SUMF1: variants seen among roughly 807,000 people sequenced by gnomAD.
SUMF1 encodes sulfatase modifying factor 1, also known as formylglycine-generating enzyme.
SUMF1 carries 48 observed loss-of-function variants against 47.6 expected under a neutral mutation model. The ratio of observed to expected loss-of-function variants is 1.01; its 90% CI spans 0.80 to 1.28. The LOEUF is 1.28. Ranked by LOEUF, SUMF1 falls within the 50% of genes most tolerant of loss-of-function variation. SUMF1 has a pLI of 0.00. For missense variants in SUMF1, 571 were observed against 485.4 expected (o/e 1.18, Z -1.66); for synonymous variants, 230 against 192.1 (o/e 1.20, Z -1.63).
At chr3:4,235,548 C>T (rs934010804) in intron 8 of SUMF1, among the ~76,000 whole-genome samples, 40 of 152,002 alleles carry the variant, frequency 2.6e-4, no homozygotes, top group Admixed American at 1.2e-3. Flanking sequence ...CTCTAAATTA[C>T]GCAAGTGCTA....
intron 5 of SUMF1, among the ~76,000 whole-genome samples, chr3:4,417,716 A>T (rs540114500): frequency 6.6e-6 from 1 of 152,358 alleles, no homozygotes; most frequent in Non-Finnish European, 1.5e-5. Context: ...TGCTAAAAGC[A>T]GGGCAGTCTG....
chr3:4,463,787 C>G (rs1434797886), intron 1 of SUMF1, among the ~76,000 whole-genome samples: 1 of 152,222 alleles, frequency 6.6e-6, no homozygotes, highest in Non-Finnish European at 1.5e-5. Flanking sequence ...TTTCAAATAA[C>G]TCTTCTAAAA....
chr3:4,227,279 C>T (rs1356816216), intron 8 of SUMF1, among the ~76,000 whole-genome samples: 1 of 152,156 alleles, frequency 6.6e-6, no homozygotes, highest in Non-Finnish European at 1.5e-5. Flanking sequence ...GTGCCTGCAA[C>T]AGGCACTGGG....
At chr3:4,272,977 A>C (rs1450618372) in intron 8 of SUMF1, among the ~76,000 whole-genome samples, 1 of 152,034 alleles carries the variant, frequency 6.6e-6, no homozygotes, top group Non-Finnish European at 1.5e-5. Flanking sequence ...CAGGAGGCCA[A>C]GGCAGGAGGA....
intron 3 of SUMF1, among the ~76,000 whole-genome samples, chr3:4,435,871 G>C (rs553686315): frequency 6.6e-6 from 1 of 152,336 alleles, no homozygotes; most frequent in South Asian, 2.1e-4. Flanking sequence ...AGTACTACAG[G>C]AAGTTTTATT....
intron 7 of SUMF1, among the ~76,000 whole-genome samples, chr3:4,406,778 G>A (rs542917808): frequency 1.3e-5 from 2 of 152,270 alleles, no homozygotes; most frequent in East Asian, 3.9e-4. Flanking sequence ...ACCCCATCCT[G>A]TCACATCATC....
chr3:4,069,186 G>A (rs146885489), intron 8 of SUMF1, among the ~76,000 whole-genome samples: 1 of 152,196 alleles, frequency 6.6e-6, no homozygotes, highest in East Asian at 1.9e-4. Flanking sequence ...AGTCACAGAA[G>A]GCTGTTTATG....
intron 8 of SUMF1, among the ~76,000 whole-genome samples, chr3:4,372,460 C>T (rs1206790986): frequency 2.0e-5 from 3 of 152,028 alleles, no homozygotes; most frequent in Admixed American, 2.0e-4. Flanking sequence ...ATGCCATGAA[C>T]ATTGCTTTTG....
At chr3:4,068,963 G>A (rs1472504514) in intron 8 of SUMF1, among the ~76,000 whole-genome samples, 1 of 152,088 alleles carries the variant, frequency 6.6e-6, no homozygotes, top group South Asian at 2.1e-4. Flanking sequence ...TCTGACTACA[G>A]GGCCTGAACC....
intron 8 of SUMF1, among the ~76,000 whole-genome samples, chr3:4,244,554 T>G (rs1189907392): frequency 6.6e-6 from 1 of 152,202 alleles, no homozygotes; most frequent in East Asian, 1.9e-4. Context: ...GGTTGAAAAT[T>G]CTTTTCTTTA....
At chr3:4,070,002 T>C (rs187230508) in intron 8 of SUMF1, among the ~76,000 whole-genome samples, 5 of 152,312 alleles carry the variant, frequency 3.3e-5, no homozygotes, top group African/African-American at 9.6e-5. Context: ...CTCTGAAGTC[T>C]GCTATCTGAG....
chr3:4,230,948 T>A (rs1398586524), intron 8 of SUMF1, among the ~76,000 whole-genome samples: 3 of 152,166 alleles, frequency 2.0e-5, no homozygotes, highest in Admixed American at 2.0e-4. Flanking sequence ...TTGAAAAAAG[T>A]CTATGCTTTA....
chr3:4,125,010 C>T (rs1693625219), intron 8 of SUMF1, among the ~76,000 whole-genome samples: 1 of 151,996 alleles, frequency 6.6e-6, no homozygotes, highest in Non-Finnish European at 1.5e-5. Flanking sequence ...TTGCCTTAGG[C>T]CTAATCTTTC....
intron 8 of SUMF1, among the ~76,000 whole-genome samples, chr3:4,350,545 T>C (rs1317541850): frequency 6.6e-6 from 1 of 152,184 alleles, no homozygotes; most frequent in Non-Finnish European, 1.5e-5. Flanking sequence ...GGAGCTTCTA[T>C]ACAAATTTTA....
At chr3:4,128,050 A>C (rs1693696164) in intron 8 of SUMF1, among the ~76,000 whole-genome samples, 1 of 152,042 alleles carries the variant, frequency 6.6e-6, no homozygotes, top group Admixed American at 6.6e-5. Flanking sequence ...AGTTGCTCCT[A>C]AGTTCAGTGG....
At chr3:4,288,322 C>G (rs1199380534) in intron 8 of SUMF1, among the ~76,000 whole-genome samples, 1 of 152,078 alleles carries the variant, frequency 6.6e-6, no homozygotes, top group African/African-American at 2.4e-5. Flanking sequence ...CAGCTTTAGG[C>G]AAAGATTAAG....
intron 8 of SUMF1, among the ~76,000 whole-genome samples, chr3:4,199,559 A>C (rs1418393975): frequency 6.6e-6 from 1 of 152,142 alleles, no homozygotes; most frequent in East Asian, 1.9e-4. Flanking sequence ...GTAATTTTTC[A>C]AAGTGGCTAT....
chr3:4,331,223 T>TAA (rs35908176), intron 8 of SUMF1, among the ~76,000 whole-genome samples: 1 of 146,432 alleles, frequency 6.8e-6, no homozygotes. Flanking sequence ...TCCTTTAATT[T>TAA]AAAAAAAAAA....
chr3:4,243,911 C>G (rs899540483), intron 8 of SUMF1, among the ~76,000 whole-genome samples: 2 of 152,130 alleles, frequency 1.3e-5, no homozygotes, highest in African/African-American at 4.8e-5. Flanking sequence ...TTGTAGGTCT[C>G]TAAGACCTTG....
Sources: gnomAD v4.1 joint callset for allele counts (sites outside exome capture counted in the v4.1 genomes callset) on GRCh38, gnomAD v4.1.1 for gene constraint, MANE v1.5 for transcripts, NCBI Gene and HGNC (gene_info 2026-07-23, HGNC 2026-07-21) for gene names.